The following CIROZ variants were observed in gnomAD, a reference collection of about 807,000 sequenced individuals.
The protein encoded by CIROZ is ciliated left-right organizer ZP-N domains-containing protein.
chr1:10,964,056 G>T, the CIROZ span: 1 of 1,572,004 alleles, frequency 6.4e-7, no homozygotes, highest in African/African-American at 1.4e-5. Flanking sequence ...AGGGCCACCT[G>T]CCTTGGCCTT....
At chr1:10,948,303 C>T in the CIROZ span, 1 of 1,613,774 alleles carries the variant, frequency 6.2e-7, no homozygotes, top group Non-Finnish European at 8.5e-7. Flanking sequence ...CTGGGGCTCT[C>T]CGGGAGAACG....
chr1:10,964,214 G>T, the CIROZ span: 78,890 of 1,614,020 alleles, frequency 0.049, 2,808 homozygotes, highest in East Asian at 0.22. Flanking sequence ...CGATCACTCC[G>T]CTCCAACCCC....
the CIROZ span, among the ~76,000 whole-genome samples, chr1:10,964,791 C>T: frequency 4.3e-4 from 66 of 152,206 alleles, no homozygotes; most frequent in African/African-American, 1.5e-3. Context: ...CCAACACGCC[C>T]GTCTAATTTT....
the CIROZ span, among the ~76,000 whole-genome samples, chr1:10,961,672 G>A: frequency 3.0e-4 from 45 of 152,148 alleles, no homozygotes; most frequent in African/African-American, 8.7e-4. Flanking sequence ...GGCCAGGCGC[G>A]GCAGCTCACG....
chr1:10,969,565 G>A, the CIROZ span, among the ~76,000 whole-genome samples: 3 of 152,072 alleles, frequency 2.0e-5, no homozygotes, highest in African/African-American at 7.3e-5. Context: ...CCAGATGGGC[G>A]CTTCTTCCAG....
the CIROZ span, chr1:10,955,052 C>T: frequency 6.2e-7 from 1 of 1,613,758 alleles, no homozygotes; most frequent in African/African-American, 1.3e-5. Context: ...TTCTCAGTCA[C>T]CATAAAGATG....
chr1:10,973,281 G>C, the CIROZ span, among the ~76,000 whole-genome samples: 1 of 152,222 alleles, frequency 6.6e-6, no homozygotes, highest in African/African-American at 2.4e-5. Context: ...GCTGAGGCAG[G>C]AGCATCGCTT....
chr1:10,948,248 C>G, the CIROZ span: 1 of 1,613,828 alleles, frequency 6.2e-7, no homozygotes, highest in Non-Finnish European at 8.5e-7. Context: ...GGAGACCAGG[C>G]CCTGTCTGGC....
At chr1:10,964,177 C>G in the CIROZ span, 3 of 1,614,056 alleles carry the variant, frequency 1.9e-6, no homozygotes, top group African/African-American at 1.3e-5. Context: ...CAGCCTTGAC[C>G]TTAGCATCGG....
At chr1:10,975,664 C>T in the CIROZ span, among the ~76,000 whole-genome samples, 3 of 151,582 alleles carry the variant, frequency 2.0e-5, no homozygotes, top group East Asian at 1.9e-4. Context: ...CCAGAGTAAG[C>T]GCTCAACAAA....
At chr1:10,976,641 C>A in the CIROZ span, among the ~76,000 whole-genome samples, 2 of 150,878 alleles carry the variant, frequency 1.3e-5, no homozygotes, top group African/African-American at 4.9e-5. Flanking sequence ...TGAGCCACCG[C>A]GTCCCGCCCA....
At chr1:10,981,881 C>A in the CIROZ span, 2 of 1,143,170 alleles carry the variant, frequency 1.7e-6, no homozygotes, top group Non-Finnish European at 2.5e-6. Flanking sequence ...GGGCCCCTCA[C>A]CCATTTGGCC....
the CIROZ span, among the ~76,000 whole-genome samples, chr1:10,966,720 C>T: frequency 2.1e-4 from 32 of 152,276 alleles, 1 homozygote; most frequent in Admixed American, 1.4e-3. Flanking sequence ...CGTGAATCCT[C>T]GGCTTGTGTC....
At chr1:10,947,739 G>T in the CIROZ span, 1 of 1,580,342 alleles carries the variant, frequency 6.3e-7, no homozygotes, top group Admixed American at 1.8e-5. Flanking sequence ...AGCACTGAGG[G>T]CCAAGGTGGG....
chr1:10,964,313 A>C, the CIROZ span: 1 of 1,561,050 alleles, frequency 6.4e-7, no homozygotes, highest in Non-Finnish European at 8.7e-7. Context: ...TGAGAGAGGA[A>C]AATACAGTTA....
At chr1:10,948,311 A>G in the CIROZ span, 1 of 1,613,694 alleles carries the variant, frequency 6.2e-7, no homozygotes, top group Non-Finnish European at 8.5e-7. Flanking sequence ...CTCCGGGAGA[A>G]CGGTGAGAAA....
the CIROZ span, among the ~76,000 whole-genome samples, chr1:10,954,834 G>C: frequency 6.6e-6 from 1 of 152,052 alleles, no homozygotes; most frequent in South Asian, 2.1e-4. Context: ...CTCAAGTGAC[G>C]CTCCGGCCTC....
the CIROZ span, chr1:10,955,071 G>C: frequency 1.2e-6 from 2 of 1,613,942 alleles, no homozygotes; most frequent in Non-Finnish European, 1.7e-6. Context: ...TGTTGGACTG[G>C]TGGACTCGGA....
the CIROZ span, chr1:10,966,472 C>T: frequency 6.5e-7 from 1 of 1,532,380 alleles, no homozygotes; most frequent in Non-Finnish European, 8.7e-7. Flanking sequence ...GGTCAGGGGA[C>T]CTCCAGGTGC....
Sources: allele counts gnomAD v4.1 joint callset (sites outside exome capture counted in the v4.1 genomes callset), GRCh38; gene constraint gnomAD v4.1.1; transcripts MANE v1.5; gene names NCBI Gene and HGNC (gene_info 2026-07-23, HGNC 2026-07-21).